Variants in DNM1L observed in about 807,000 individuals in gnomAD.
DNM1L encodes the protein dynamin-1-like protein.
In DNM1L, 33 loss-of-function variants were observed where a neutral mutation model predicts 92.8. The observed-to-expected ratio is 0.36, with a 90% CI of 0.27 to 0.48. The LOEUF (loss-of-function observed/expected upper bound fraction) is 0.48. Among genes scored for constraint, DNM1L ranks in the 20% least tolerant of loss-of-function variants. DNM1L has a pLI of 0.99. For synonymous variants in DNM1L, 284 were observed against 305.0 expected, an observed-to-expected ratio of 0.93 and a Z score of 0.72; for missense variants, 485 against 888.8, an observed-to-expected ratio of 0.55 and a Z score of 5.78.
intron 6 of DNM1L, among the ~76,000 whole-genome samples, chr12:32,717,449 C>CTATATATATTTTAAATATATAG (rs1404901162): frequency 2.0e-5 from 1 of 50,956 alleles, no homozygotes; most frequent in East Asian, 3.2e-4. Context: ...TAAATATATA[C>CTATATATATTTTAAATATATAG]TATATATATT....
chr12:32,705,562 A>G (rs1172316387), intron 2 of DNM1L: 1 of 352,314 alleles, frequency 2.8e-6, no homozygotes, highest in African/African-American at 2.1e-5. Context: ...AAAATAAGTT[A>G]TGGCAAGCAA....
At chr12:32,701,981 G>T (rs948599223) in intron 2 of DNM1L, among the ~76,000 whole-genome samples, 5 of 149,252 alleles carry the variant, frequency 3.4e-5, no homozygotes, top group African/African-American at 9.8e-5. Flanking sequence ...GCCCGCCTTG[G>T]CCTCCCAAAG....
intron 8 of DNM1L, among the ~76,000 whole-genome samples, chr12:32,722,060 C>T (rs888931111): frequency 6.6e-6 from 1 of 152,130 alleles, no homozygotes; most frequent in African/African-American, 2.4e-5. Flanking sequence ...TGAACTGTGT[C>T]CTTTTGAGTT....
At chr12:32,720,918 T>C (rs887696951) in intron 8 of DNM1L, 123 bp downstream of exon 8, 6 of 1,258,104 alleles carry the variant, frequency 4.8e-6, no homozygotes, top group Non-Finnish European at 6.7e-6. Context: ...TGGTTTCTTA[T>C]ATAGTAGGTT....
At chr12:32,688,615 G>C (rs1035359372) in intron 1 of DNM1L, among the ~76,000 whole-genome samples, 1 of 152,102 alleles carries the variant, frequency 6.6e-6, no homozygotes, top group Non-Finnish European at 1.5e-5. Context: ...TCTTTCAACA[G>C]TTTGATTATA....
At chr12:32,716,739 ATAG>A (rs1953392397) in intron 6 of DNM1L, among the ~76,000 whole-genome samples, 1 of 127,044 alleles carries the variant, frequency 7.9e-6, no homozygotes, top group African/African-American at 3.2e-5. Flanking sequence ...TACACTATAT[ATAG>A]TATATATATA....
At chr12:32,711,281 C>T in intron 5 of DNM1L, 1 of 400,306 alleles carries the variant, frequency 2.5e-6, no homozygotes, top group South Asian at 2.8e-5. Flanking sequence ...CAGTAAGTGC[C>T]CCAGAGCTCA....
chr12:32,712,782 T>C (rs1286917423), intron 5 of DNM1L, among the ~76,000 whole-genome samples: 1 of 152,096 alleles, frequency 6.6e-6, no homozygotes, highest in Non-Finnish European at 1.5e-5. Flanking sequence ...GTTTATTATA[T>C]GCGTGTTATT....
intron 1 of DNM1L, among the ~76,000 whole-genome samples, chr12:32,698,703 A>AAC (rs59405866): frequency 0.15 from 23,346 of 152,108 alleles, 1,880 homozygotes; most frequent in Middle Eastern, 0.21. Flanking sequence ...ATAGAAAAAT[A>AAC]AGTTTATTGC....
At chr12:32,681,520 C>T (rs1041188193) in intron 1 of DNM1L, among the ~76,000 whole-genome samples, 107 of 146,592 alleles carry the variant, frequency 7.3e-4, no homozygotes, top group African/African-American at 2.7e-3. Context: ...TGTCACTGCA[C>T]CCCAGCAGAA....
intron 14 of DNM1L, 25 bp from the exon 15 acceptor site, chr12:32,737,840 T>TC (rs749576486): frequency 3.3e-5 from 53 of 1,603,886 alleles, no homozygotes; most frequent in East Asian, 1.8e-4. Context: ...TGATTTTTTT[T>TC]CCCCCCTGGA....
intron 5 of DNM1L, chr12:32,711,336 G>A (rs1384857322): frequency 1.0e-5 from 3 of 291,612 alleles, no homozygotes; most frequent in Non-Finnish European, 2.0e-5. Flanking sequence ...TCCCTTTGAT[G>A]ATTTCATCAG....
chr12:32,722,062 T>A (rs1400417663), intron 8 of DNM1L, among the ~76,000 whole-genome samples: 2 of 152,220 alleles, frequency 1.3e-5, no homozygotes, highest in Non-Finnish European at 2.9e-5. Flanking sequence ...AACTGTGTCC[T>A]TTTGAGTTTT....
At chr12:32,733,215 C>G (rs1384460970) in intron 12 of DNM1L, among the ~76,000 whole-genome samples, 1 of 152,168 alleles carries the variant, frequency 6.6e-6, no homozygotes, top group Non-Finnish European at 1.5e-5. Flanking sequence ...AATATTTTAA[C>G]TAGGTGCTTT....
In DNM1L at chr12:32,685,167, C is replaced by G. The variant is rs374428719; in HGVS notation, c.102+5702C>G. On this transcript the variant is annotated intron_variant, in intron 1 of 19. Coordinates refer to ENST00000549701, the MANE Select transcript of DNM1L (RefSeq NM_012062.5). Reference sequence around the variant, plus strand: ...TTAGCCAGGATGGTCTCGATCTCCTCACCTCGTGATCCACCCGCCTCGGCC... The same window carrying G: ...TTAGCCAGGATGGTCTCGATCTCCTGACCTCGTGATCCACCCGCCTCGGCC... 1.1e-4 allele frequency among the ~76,000 whole-genome samples: 16 copies of G among 151,940 alleles called. 3 individuals carry two copies. Among genetic ancestry groups the G allele is most frequent in the East Asian group, 2.0e-4 (1 of 5,128 alleles).
intron 2 of DNM1L, among the ~76,000 whole-genome samples, chr12:32,704,365 C>A (rs184406005): frequency 0.023 from 3,550 of 152,044 alleles, 158 homozygotes; most frequent in African/African-American, 0.082. Flanking sequence ...GCCTGGCCAA[C>A]GTGGTGAAAC....
Position 32,709,607 on chromosome 12 carries a change from C to T in DNM1L, c.370-1322C>T, listed in dbSNP as rs1355692114. The T allele has an allele frequency of 3.3e-5, 5 of 152,266 alleles. No homozygotes were observed. The South Asian group carries it at 6.2e-4, about 19-fold the overall frequency. The allele number at this position is 152,266 out of a possible 1,614,324, so 9.4% of individuals were successfully genotyped here. On this transcript the variant is annotated intron_variant, in intron 4 of 19. Coordinates refer to ENST00000549701, the MANE Select transcript of DNM1L (RefSeq NM_012062.5). Reference sequence around the variant, plus strand: ...GAAACATCTCTTCTTTCCCAAATCACGTATGTAATGAAGTAAATGATATTT... The same window carrying T: ...GAAACATCTCTTCTTTCCCAAATCATGTATGTAATGAAGTAAATGATATTT...
At chr12:32,722,398 T>G (rs1277411612) in intron 8 of DNM1L, 29 bp from the exon 9 acceptor site, 2 of 1,599,194 alleles carry the variant, frequency 1.3e-6, no homozygotes, top group African/African-American at 2.7e-5. Context: ...AATTTTACTT[T>G]TAAATCCTTC....
Position 32,707,416 on chromosome 12 carries a change from A to ATGC in DNM1L, c.297+3_297+4insTGC, listed in dbSNP as rs777908979. The ATGC allele has an allele frequency of 6.3e-6, 10 of 1,599,056 alleles. No homozygotes were observed. In the South Asian group the frequency reaches 9.1e-5, roughly 15 times the overall value. ...AATTTCTTCACACCAAAAATAAGGT[A>ATGC]ATCACACATGCATATAATGAAGAAA... On this transcript the variant is annotated splice_donor_region_variant and intron_variant, in intron 3 of 19. Transcript: ENST00000549701.
Sources: allele counts gnomAD v4.1 joint callset (sites outside exome capture counted in the v4.1 genomes callset), GRCh38; gene constraint gnomAD v4.1.1; transcripts MANE v1.5; gene names NCBI Gene and HGNC (gene_info 2026-07-23, HGNC 2026-07-21).